CALN1: variants seen among roughly 807,000 people sequenced by gnomAD.
The protein encoded by CALN1 is calcium-binding protein 8.
A neutral mutation model predicts 30.6 loss-of-function variants in CALN1; 17 were observed. The observed-to-expected ratio is 0.56, with a 90% CI of 0.38 to 0.83. The LOEUF is 0.83. Ranked by LOEUF, CALN1 falls within the 40% of genes least tolerant of loss-of-function variation. The pLI, the probability that CALN1 is intolerant of heterozygous loss-of-function variation, is 0.00. For synonymous variants in CALN1, 156 were observed against 131.4 expected, an observed-to-expected ratio of 1.19 and a Z score of -1.28; for missense variants, 291 against 354.9, an observed-to-expected ratio of 0.82 and a Z score of 1.45.
chr7:72,231,469 T>A (rs1794095526), intron 3 of CALN1, among the ~76,000 whole-genome samples: 1 of 152,234 alleles, frequency 6.6e-6, no homozygotes, highest in African/African-American at 2.4e-5. Flanking sequence ...GATCTCATTC[T>A]TTTTTATGGC....
intron 2 of CALN1, among the ~76,000 whole-genome samples, chr7:72,356,282 C>A (rs538804526): frequency 1.3e-5 from 2 of 150,172 alleles, no homozygotes; most frequent in East Asian, 3.9e-4. Flanking sequence ...GTAGGTAAAT[C>A]TGAATAACTA....
At chr7:71,953,050 G>C (rs1327901006) in intron 5 of CALN1, among the ~76,000 whole-genome samples, 2 of 152,114 alleles carry the variant, frequency 1.3e-5, no homozygotes, top group Non-Finnish European at 2.9e-5. Context: ...TCAAACTCCT[G>C]GGCTCAAGCA....
rs867974432 is a variant in CALN1 at position 72,205,575 on chromosome 7, T to C, written c.244+73111A>G. Among the ~76,000 whole-genome samples, 57 of 119,494 alleles carry C rather than the reference T, an allele frequency of 4.8e-4. 2 individuals carry two copies. The highest frequency in any genetic ancestry group is 1.5e-3 in the African/African-American group (35 of 23,542). The allele number at this position is 119,494 out of a possible 152,430, so 78.4% of individuals were successfully genotyped here. A position where few individuals can be genotyped will look rare whatever the true frequency, so the allele number is the denominator to read the frequency against. ...AAATATATATATATATATGTATATA[T>C]ATATATATATATTCAGGAGAAACAT... On this transcript the variant is annotated intron_variant, in intron 3 of 6. Transcript: ENST00000395275.
intron 2 of CALN1, among the ~76,000 whole-genome samples, chr7:72,328,614 A>C (rs1801446399): frequency 6.6e-6 from 1 of 152,240 alleles, no homozygotes; most frequent in African/African-American, 2.4e-5. Context: ...TAAAACTCCC[A>C]AAATAAGATG....
intron 3 of CALN1, among the ~76,000 whole-genome samples, chr7:72,197,435 C>T (rs543121439): frequency 6.5e-4 from 99 of 152,016 alleles, no homozygotes; most frequent in African/African-American, 2.1e-3. Flanking sequence ...CTCCTGACCT[C>T]GTGATCCATC....
chr7:72,231,337 T>C (rs1293958093), intron 3 of CALN1, among the ~76,000 whole-genome samples: 3 of 152,172 alleles, frequency 2.0e-5, no homozygotes, highest in Non-Finnish European at 4.4e-5. Context: ...CCTGTGTCCA[T>C]GTGTTCTCAT....
intron 3 of CALN1, among the ~76,000 whole-genome samples, chr7:72,268,793 CCACACACACA>C (rs3032247): frequency 4.1e-5 from 6 of 145,832 alleles, no homozygotes; most frequent in Admixed American, 1.4e-4. Context: ...CAAGACCCTG[CCACACACACA>C]CACACACACA....
intron 5 of CALN1, among the ~76,000 whole-genome samples, chr7:71,888,487 CA>C (rs138548334): frequency 0.13 from 16,268 of 125,168 alleles, 1,317 homozygotes; most frequent in East Asian, 0.45. Context: ...AGCAAAAAAA[CA>C]AAAAAACAAA....
chr7:72,296,033 A>G (rs910820034), intron 2 of CALN1, among the ~76,000 whole-genome samples: 7 of 152,266 alleles, frequency 4.6e-5, no homozygotes, highest in South Asian at 2.1e-4. Flanking sequence ...TTTGAAATAC[A>G]TCCCATCAAT....
chr7:72,405,168 G>A (rs1255299488), intron 1 of CALN1, among the ~76,000 whole-genome samples: 14 of 152,186 alleles, frequency 9.2e-5, no homozygotes, highest in Non-Finnish European at 1.5e-4. Flanking sequence ...ACTTCCCAAG[G>A]GTTGGGATCT....
intron 3 of CALN1, among the ~76,000 whole-genome samples, chr7:72,205,575 T>TATACATATATACAC (rs1554319681): frequency 8.4e-6 from 1 of 119,634 alleles, no homozygotes; most frequent in African/African-American, 4.2e-5. Context: ...TATGTATATA[T>TATACATATATACAC]ATATATATAT....
chr7:72,138,555 C>T (rs375598954), intron 3 of CALN1, among the ~76,000 whole-genome samples: 136 of 62,640 alleles, frequency 2.2e-3, no homozygotes, highest in African/African-American at 9.5e-3. Flanking sequence ...GCAAAGGAGA[C>T]GGGGACTGCC....
intron 5 of CALN1, among the ~76,000 whole-genome samples, chr7:71,896,475 T>C (rs1484795436): frequency 6.6e-6 from 1 of 152,154 alleles, no homozygotes; most frequent in Non-Finnish European, 1.5e-5. Context: ...GATGCAACAG[T>C]TCCCAGTTTC....
intron 5 of CALN1, among the ~76,000 whole-genome samples, chr7:71,855,542 A>C (rs1475334638): frequency 6.6e-6 from 1 of 152,120 alleles, no homozygotes; most frequent in Non-Finnish European, 1.5e-5. Context: ...TGGCAATTCA[A>C]ATGCAGCACC....
At chr7:72,310,704 G>A (rs1799978584) in intron 2 of CALN1, among the ~76,000 whole-genome samples, 1 of 151,836 alleles carries the variant, frequency 6.6e-6, no homozygotes, top group Non-Finnish European at 1.5e-5. Context: ...GGGAGTTCGA[G>A]ACCAGCCTGG....
chr7:72,406,431 C>T (rs1806697710), intron 1 of CALN1, among the ~76,000 whole-genome samples: 2 of 152,140 alleles, frequency 1.3e-5, no homozygotes, highest in Admixed American at 1.3e-4. Flanking sequence ...AACCGGTTAT[C>T]TCATTTCCTG....
At chr7:72,469,098 C>T in the CALN1 span, among the ~76,000 whole-genome samples, 3 of 152,088 alleles carry the variant, frequency 2.0e-5, no homozygotes, top group East Asian at 5.8e-4. Context: ...ATTACATGTG[C>T]TTTTGGTATC....
intron 3 of CALN1, among the ~76,000 whole-genome samples, chr7:72,221,209 C>T (rs1319482924): frequency 2.0e-5 from 3 of 151,476 alleles, no homozygotes; most frequent in Admixed American, 2.0e-4. Context: ...GGAGTGGAAA[C>T]AGAACTGACC....
At chr7:72,279,258 C>A (rs772953967) in intron 2 of CALN1, among the ~76,000 whole-genome samples, 12 of 152,186 alleles carry the variant, frequency 7.9e-5, no homozygotes, top group Non-Finnish European at 1.6e-4. Context: ...CCAAATGTCT[C>A]ATTTCTCCCA....
Sources: allele counts gnomAD v4.1 joint callset (sites outside exome capture counted in the v4.1 genomes callset), GRCh38; gene constraint gnomAD v4.1.1; transcripts MANE v1.5; gene names NCBI Gene and HGNC (gene_info 2026-07-23, HGNC 2026-07-21).